The following ABI3BP variants were observed in gnomAD, a reference collection of about 807,000 sequenced individuals.
ABI3BP encodes the protein ABI family member 3 binding protein, also known as target of Nesh-SH3.
In ABI3BP, 216 loss-of-function variants were observed where a neutral mutation model predicts 268.6. That is an observed-to-expected ratio of 0.80 (90% CI 0.72 to 0.90). The LOEUF (loss-of-function observed/expected upper bound fraction) is 0.90. Ranked by LOEUF, ABI3BP falls within the 40% of genes least tolerant of loss-of-function variation. The pLI is 0.00. For synonymous variants in ABI3BP, 730 were observed against 730.0 expected (o/e 1.00, Z 0.00); for missense variants, 2,090 against 2,182.4 (o/e 0.96, Z 0.84).
Position 100,765,855 on chromosome 3 carries a change from C to A in ABI3BP, c.4836G>T (p.Leu1612=), listed in dbSNP as rs563634765. 4 of 1,608,890 alleles carry A rather than the reference C, an allele frequency of 2.5e-6. No homozygotes were observed. ...TGGTGGCTTACCTCGTGTTTGGTTT[C>A]AGATTTTCTACTGTGGAAAATGTCT... ...TNQTFSTVEN[L]KPNTSYEFQV... is the part of the protein sequence containing the mutation. Residue 1612 remains leucine, a synonymous_variant, in exon 63 of 68, where the codon CTG becomes CTT. Coordinates refer to ENST00000471714, the MANE Select transcript of ABI3BP (RefSeq NM_001375547.2).
intron 48 of ABI3BP, 129 bp from the exon 49 acceptor site, chr3:100,810,606 G>T: frequency 1.7e-6 from 1 of 602,084 alleles, no homozygotes; most frequent in Non-Finnish European, 2.8e-6. Context: ...CAGCAAAACA[G>T]CATTCCTACT....
chr3:100,784,949 G>A (rs191552354), intron 57 of ABI3BP, among the ~76,000 whole-genome samples: 1 of 152,154 alleles, frequency 6.6e-6, no homozygotes, highest in Non-Finnish European at 1.5e-5. Context: ...CACTACTCAG[G>A]TAATGAGTGC....
At chr3:100,987,402 T>G (rs761418298) in intron 1 of ABI3BP, among the ~76,000 whole-genome samples, 1 of 152,232 alleles carries the variant, frequency 6.6e-6, no homozygotes, top group Non-Finnish European at 1.5e-5. Flanking sequence ...CAGGGGAAGA[T>G]AGTAAAAATT....
At chr3:100,867,770 G>C (rs1455471509) in intron 9 of ABI3BP, among the ~76,000 whole-genome samples, 1 of 150,054 alleles carries the variant, frequency 6.7e-6, no homozygotes, top group Non-Finnish European at 1.5e-5. Flanking sequence ...GAAAATATTT[G>C]TGGCAAAAAA....
intron 9 of ABI3BP, among the ~76,000 whole-genome samples, chr3:100,868,675 C>T (rs2099077993): frequency 6.6e-6 from 1 of 152,156 alleles, no homozygotes. Context: ...AAAATGCCAC[C>T]ACTAAGTGTC....
chr3:100,851,832 G>T, intron 15 of ABI3BP, 43 bp downstream of exon 15: 1 of 1,486,548 alleles, frequency 6.7e-7, no homozygotes, highest in Non-Finnish European at 9.1e-7. Context: ...CCAAGTGTTG[G>T]AACACCTGGG....
intron 62 of ABI3BP, among the ~76,000 whole-genome samples, 171 bp downstream of exon 62, chr3:100,770,572 C>T (rs112566433): frequency 0.012 from 1,869 of 152,238 alleles, 23 homozygotes; most frequent in Non-Finnish European, 0.02. Context: ...ATGATCTTTT[C>T]TCATCCTATG....
chr3:100,894,675 C>G (rs992857611), intron 4 of ABI3BP, among the ~76,000 whole-genome samples: 6 of 152,024 alleles, frequency 3.9e-5, no homozygotes, highest in Non-Finnish European at 7.3e-5. Flanking sequence ...CGCGGTGGCT[C>G]ACGCCTGTAA....
intron 62 of ABI3BP, among the ~76,000 whole-genome samples, chr3:100,768,460 G>C (rs1302367334): frequency 1.3e-5 from 2 of 152,140 alleles, no homozygotes; most frequent in African/African-American, 4.8e-5. Context: ...GGATCTAGAA[G>C]CTTTCTTCCT....
rs1560390279 is a variant in ABI3BP, at chr3:100,816,673, G to GATTC, written c.3229+11_3229+14dup. The stretch of plus-strand genomic sequence containing the variant: ...AGGTTCCTTGGCTACTTAAGCCAAG[G>GATTC]ATTCATACATTTACCCGATTTGTTC... On this transcript the variant is annotated intron_variant, in intron 43 of 67. Coordinates refer to ENST00000471714, the MANE Select transcript of ABI3BP (RefSeq NM_001375547.2). 1.3e-6 allele frequency: 2 copies of GATTC among 1,534,134 alleles called. No homozygotes were observed. The highest frequency in any genetic ancestry group is 3.9e-5 in the Admixed American group (2 of 50,978).
intron 67 of ABI3BP, 146 bp from the exon 68 acceptor site, chr3:100,750,756 G>C (rs1195341879): frequency 1.6e-6 from 1 of 610,694 alleles, no homozygotes; most frequent in African/African-American, 1.9e-5. Context: ...AGAAGTTCTG[G>C]TGTTTTTTCC....
At chr3:100,791,941 G>T (rs2097207119) in intron 55 of ABI3BP, among the ~76,000 whole-genome samples, 1 of 151,740 alleles carries the variant, frequency 6.6e-6, no homozygotes, top group East Asian at 1.9e-4. Flanking sequence ...ATTTATTTGT[G>T]TTCTAACTCC....
chr3:100,844,844 C>T (rs779757147), intron 20 of ABI3BP, among the ~76,000 whole-genome samples: 12 of 152,150 alleles, frequency 7.9e-5, no homozygotes, highest in Admixed American at 3.9e-4. Context: ...ACATTAGCCT[C>T]CAAGTAATTC....
intron 55 of ABI3BP, among the ~76,000 whole-genome samples, chr3:100,790,471 T>C (rs754777902): frequency 4.6e-5 from 7 of 152,040 alleles, no homozygotes; most frequent in Non-Finnish European, 8.8e-5. Context: ...TATATAGCCA[T>C]AAATCAGCAA....
chr3:100,916,884 T>C (rs772346142), intron 2 of ABI3BP, among the ~76,000 whole-genome samples: 1 of 152,206 alleles, frequency 6.6e-6, no homozygotes. Flanking sequence ...AATTCTAGGC[T>C]TTCTCCTGTA....
At chr3:100,823,594 TG>T in intron 36 of ABI3BP, 80 bp from the exon 37 acceptor site, 1 of 1,066,224 alleles carries the variant, frequency 9.4e-7, no homozygotes, top group East Asian at 2.6e-5. Context: ...CAAATTTTAC[TG>T]GTATGTCAAT....
rs987818134 is a variant in ABI3BP, at chr3:100,992,211, T to C, written c.79+1095A>G. On this transcript the variant is annotated intron_variant, in intron 1 of 67. Transcript: ENST00000471714. ...GCTGTTCACATTATCGTGTGAAATATCAACTAGCCAACCGCTTCAGCCTTC... is the reference window on the plus strand; with the variant it reads ...GCTGTTCACATTATCGTGTGAAATACCAACTAGCCAACCGCTTCAGCCTTC... Among the ~76,000 whole-genome samples the C allele has an allele frequency of 2.6e-5, 4 of 152,208 alleles. No individual in the cohort carries two copies. In the South Asian group the frequency reaches 8.3e-4, roughly 32 times the overall value.
intron 1 of ABI3BP, among the ~76,000 whole-genome samples, chr3:100,967,057 A>G (rs1319912628): frequency 6.6e-6 from 1 of 152,038 alleles, no homozygotes; most frequent in Non-Finnish European, 1.5e-5. Flanking sequence ...CTAAATCTCA[A>G]TTTTCTCATC....
chr3:100,750,942 T>C (rs1010146332), intron 67 of ABI3BP, among the ~76,000 whole-genome samples: 8 of 152,186 alleles, frequency 5.3e-5, no homozygotes, highest in African/African-American at 1.4e-4. Context: ...ACAAAATGTG[T>C]TACTGAAAAA....
Sources: gnomAD v4.1 joint callset for allele counts (sites outside exome capture counted in the v4.1 genomes callset) on GRCh38, gnomAD v4.1.1 for gene constraint, MANE v1.5 for transcripts, NCBI Gene and HGNC (gene_info 2026-07-23, HGNC 2026-07-21) for gene names.